The following CCSER1 variants were observed in gnomAD, a reference collection of about 807,000 sequenced individuals.
The protein encoded by CCSER1 is coiled-coil serine rich protein 1, also known as serine-rich coiled-coil domain-containing protein 1.
A neutral mutation model predicts 82.0 loss-of-function variants in CCSER1; 41 were observed. The ratio of observed to expected loss-of-function variants is 0.50; its 90% CI spans 0.39 to 0.65. The LOEUF is 0.65. CCSER1 is among the 30% of genes least tolerant of loss of function. CCSER1 has a pLI of 0.00. For missense variants in CCSER1, 1,119 were observed against 1,064.2 expected (o/e 1.05, Z -0.72); for synonymous variants, 414 against 383.9 (o/e 1.08, Z -0.92).
intron 10 of CCSER1, among the ~76,000 whole-genome samples, chr4:91,593,787 A>G (rs952119374): frequency 6.6e-6 from 1 of 152,132 alleles, no homozygotes; most frequent in Non-Finnish European, 1.5e-5. Context: ...GTGACTTACT[A>G]ATGGATCACA....
chr4:90,829,162 A>G (rs990536208), intron 8 of CCSER1, among the ~76,000 whole-genome samples: 8 of 152,156 alleles, frequency 5.3e-5, no homozygotes, highest in Non-Finnish European at 1.2e-4. Context: ...AAAATATTGT[A>G]GAAAACAAAG....
rs769989739 is a variant in CCSER1 at position 91,085,971 on chromosome 4, G to C, written c.2194G>C (p.Glu732Gln). ...TCAGGGTTTAAACTTGAAAAGACTA[G>C]AGACAGTACAAGGAGGGAGAGAGGT... ...CYDGLNLKRLETVQGGREATY... is the reference protein window; with the variant it reads ...CYDGLNLKRLQTVQGGREATY... Residue 732 changes from glutamate (E) to glutamine (Q), a missense_variant, in exon 10 of 11, where the codon GAG becomes CAG. Glu to Gln is a conservative substitution (Grantham distance 29, BLOSUM62 2). Coordinates refer to ENST00000509176, the MANE Select transcript of CCSER1 (RefSeq NM_001145065.2). 14 of 1,530,050 alleles carry C rather than the reference G, an allele frequency of 9.2e-6. No homozygotes were observed. In the South Asian group the frequency reaches 1.3e-4, roughly 14 times the overall value. The allele number at this position is 1,530,050 out of a possible 1,614,324, so 94.8% of individuals were successfully genotyped here.
intron 10 of CCSER1, among the ~76,000 whole-genome samples, chr4:91,579,086 T>C (rs960722172): frequency 2.6e-5 from 4 of 151,744 alleles, no homozygotes; most frequent in African/African-American, 9.7e-5. Context: ...CCTGATCTTT[T>C]CTTCCTTGCA....
intron 6 of CCSER1, among the ~76,000 whole-genome samples, chr4:90,695,941 T>C (rs1462599390): frequency 6.6e-6 from 1 of 151,842 alleles, no homozygotes; most frequent in African/African-American, 2.4e-5. Flanking sequence ...ATAAATAAAT[T>C]CAACAGTAAA....
intron 6 of CCSER1, among the ~76,000 whole-genome samples, chr4:90,716,459 A>T (rs1487224818): frequency 1.3e-5 from 2 of 152,104 alleles, no homozygotes; most frequent in African/African-American, 4.8e-5. Flanking sequence ...GCCTAGAATA[A>T]AGTGGTATCA....
intron 10 of CCSER1, among the ~76,000 whole-genome samples, chr4:91,293,310 G>A (rs895207028): frequency 4.0e-5 from 6 of 151,852 alleles, no homozygotes; most frequent in African/African-American, 1.5e-4. Flanking sequence ...GGTATTTATA[G>A]CATTTGGAAA....
intron 5 of CCSER1, among the ~76,000 whole-genome samples, chr4:90,475,639 G>C (rs1405018904): frequency 2.6e-5 from 4 of 152,106 alleles, no homozygotes; most frequent in Admixed American, 2.6e-4. Context: ...AAAATCGCTG[G>C]CCAGCTGTGA....
chr4:91,151,111 G>C (rs1730143006), intron 10 of CCSER1, among the ~76,000 whole-genome samples: 1 of 151,962 alleles, frequency 6.6e-6, no homozygotes, highest in Non-Finnish European at 1.5e-5. Context: ...GACTTTTTTT[G>C]GTTGGTAGGC....
At chr4:90,758,404 C>A (rs2149510370) in intron 7 of CCSER1, among the ~76,000 whole-genome samples, 1 of 151,922 alleles carries the variant, frequency 6.6e-6, no homozygotes, top group African/African-American at 2.4e-5. Flanking sequence ...AAACTTAAGA[C>A]ATATATTTGG....
At chr4:90,453,088 CCTT>C (rs1385507895) in intron 4 of CCSER1, among the ~76,000 whole-genome samples, 7 of 152,152 alleles carry the variant, frequency 4.6e-5, no homozygotes, top group Non-Finnish European at 5.9e-5. Context: ...TTTTGACACA[CCTT>C]CTCAAACAGG....
intron 10 of CCSER1, among the ~76,000 whole-genome samples, chr4:91,267,301 G>T (rs1741673791): frequency 6.6e-6 from 1 of 151,750 alleles, no homozygotes; most frequent in Admixed American, 6.6e-5. Flanking sequence ...TTTTGGGGGG[G>T]TTCTTTTCTC....
intron 9 of CCSER1, among the ~76,000 whole-genome samples, chr4:90,976,228 G>C (rs1283211218): frequency 6.6e-6 from 1 of 151,150 alleles, no homozygotes; most frequent in African/African-American, 2.4e-5. Context: ...ATTAAGAAAA[G>C]TATTGTGAAT....
intron 10 of CCSER1, among the ~76,000 whole-genome samples, chr4:91,146,060 A>G (rs994673558): frequency 2.0e-5 from 3 of 152,194 alleles, no homozygotes; most frequent in Admixed American, 6.5e-5. Flanking sequence ...AGGAATGCCA[A>G]TGAATCATAG....
At chr4:91,501,873 T>C (rs1759229717) in intron 10 of CCSER1, among the ~76,000 whole-genome samples, 1 of 152,168 alleles carries the variant, frequency 6.6e-6, no homozygotes, top group African/African-American at 2.4e-5. Flanking sequence ...AACCCATTAC[T>C]TACATATATT....
At chr4:90,978,189 G>A (rs1022401760) in intron 9 of CCSER1, among the ~76,000 whole-genome samples, 1 of 151,562 alleles carries the variant, frequency 6.6e-6, no homozygotes, top group Non-Finnish European at 1.5e-5. Context: ...ACTGTGTGGG[G>A]ACAGACCAAG....
chr4:91,379,540 A>G (rs908802159), intron 10 of CCSER1, among the ~76,000 whole-genome samples: 3 of 152,124 alleles, frequency 2.0e-5, no homozygotes, highest in African/African-American at 7.2e-5. Flanking sequence ...TTATTTGCAT[A>G]GAGGTGTTTC....
intron 8 of CCSER1, among the ~76,000 whole-genome samples, chr4:90,846,489 A>T (rs1219041859): frequency 6.6e-6 from 1 of 152,212 alleles, no homozygotes; most frequent in African/African-American, 2.4e-5. Flanking sequence ...TGATATTTTG[A>T]TACATGCAGA....
intron 10 of CCSER1, among the ~76,000 whole-genome samples, chr4:91,263,333 CACG>C (rs1741334328): frequency 6.6e-6 from 1 of 151,996 alleles, no homozygotes; most frequent in African/African-American, 2.4e-5. Context: ...TAATTTTAAT[CACG>C]ACATTCTGCA....
chr4:90,264,049 T>C (rs558737145), intron 1 of CCSER1, among the ~76,000 whole-genome samples: 4 of 152,174 alleles, frequency 2.6e-5, no homozygotes, highest in African/African-American at 9.7e-5. Context: ...AGTTTTCAAG[T>C]CACACTTGAC....
Sources: allele counts gnomAD v4.1 joint callset (sites outside exome capture counted in the v4.1 genomes callset), GRCh38; gene constraint gnomAD v4.1.1; transcripts MANE v1.5; gene names NCBI Gene and HGNC (gene_info 2026-07-23, HGNC 2026-07-21).